Variants in RPS6KC1 observed in about 807,000 individuals in gnomAD.
RPS6KC1 encodes ribosomal protein S6 kinase C1.
RPS6KC1 carries 54 observed loss-of-function variants against 103.8 expected under a neutral mutation model. The observed-to-expected ratio is 0.52, with a 90% CI of 0.42 to 0.65. The LOEUF (loss-of-function observed/expected upper bound fraction) is 0.65, where lower values mean the gene tolerates loss of function less well. Ranked by LOEUF, RPS6KC1 falls within the 30% of genes least tolerant of loss-of-function variation. The pLI, the probability that RPS6KC1 is intolerant of heterozygous loss-of-function variation, is 0.00. For synonymous variants in RPS6KC1, 439 were observed against 438.7 expected, an observed-to-expected ratio of 1.00 and a Z score of -0.01; for missense variants, 1,151 against 1,253.8, an observed-to-expected ratio of 0.92 and a Z score of 1.24.
At chr1:213,152,261 G>A (rs1335984343) in intron 6 of RPS6KC1, among the ~76,000 whole-genome samples, 9 of 145,762 alleles carry the variant, frequency 6.2e-5, no homozygotes, top group African/African-American at 1.3e-4. Flanking sequence ...CGGACGGGGC[G>A]GCTGGCCTGG....
chr1:213,302,576 C>T, the RPS6KC1 span, among the ~76,000 whole-genome samples: 1 of 152,230 alleles, frequency 6.6e-6, no homozygotes. Context: ...AGCATCGCTT[C>T]CTGAGGTTAC....
the RPS6KC1 span, among the ~76,000 whole-genome samples, chr1:213,701,296 A>G: frequency 6.6e-6 from 1 of 151,940 alleles, no homozygotes; most frequent in African/African-American, 2.4e-5. Context: ...TTTTTTCAGC[A>G]TCAGTTGAAA....
At chr1:213,435,223 A>G in the RPS6KC1 span, among the ~76,000 whole-genome samples, 2 of 152,308 alleles carry the variant, frequency 1.3e-5, no homozygotes, top group Admixed American at 1.3e-4. Flanking sequence ...CTAGAAATTT[A>G]TCTTTTAAAA....
the RPS6KC1 span, among the ~76,000 whole-genome samples, chr1:213,673,019 G>C: frequency 6.6e-6 from 1 of 152,160 alleles, no homozygotes. Context: ...TCTGGGAAAA[G>C]AGATAGAGTT....
At chr1:213,053,793 T>C (rs2077125048) in intron 1 of RPS6KC1, among the ~76,000 whole-genome samples, 2 of 152,174 alleles carry the variant, frequency 1.3e-5, no homozygotes, top group Admixed American at 6.5e-5. Context: ...GTATAATTAT[T>C]TGTATTGTTA....
chr1:213,482,871 T>G, the RPS6KC1 span, among the ~76,000 whole-genome samples: 1 of 152,206 alleles, frequency 6.6e-6, no homozygotes, highest in African/African-American at 2.4e-5. Context: ...GAGATAAGTG[T>G]TATGTCTGGT....
At chr1:213,660,569 C>T in the RPS6KC1 span, among the ~76,000 whole-genome samples, 1 of 152,210 alleles carries the variant, frequency 6.6e-6, no homozygotes, top group East Asian at 1.9e-4. Context: ...GTGGAAGATT[C>T]TAGGTAGCTC....
the RPS6KC1 span, among the ~76,000 whole-genome samples, chr1:213,335,476 C>T: frequency 6.6e-6 from 1 of 152,196 alleles, no homozygotes; most frequent in South Asian, 2.1e-4. Flanking sequence ...TCCAAAGTGG[C>T]TGCTATAGCT....
chr1:213,311,163 G>A, the RPS6KC1 span, among the ~76,000 whole-genome samples: 1 of 151,032 alleles, frequency 6.6e-6, no homozygotes, highest in Non-Finnish European at 1.5e-5. Flanking sequence ...TTTTGAGACG[G>A]AGTCTCGCTC....
the RPS6KC1 span, among the ~76,000 whole-genome samples, chr1:213,383,102 G>A: frequency 0.018 from 2,692 of 152,294 alleles, 74 homozygotes; most frequent in African/African-American, 0.06. Context: ...AAGCTGGGTC[G>A]TGTGTCCTGC....
intron 9 of RPS6KC1, among the ~76,000 whole-genome samples, chr1:213,231,053 C>T (rs1010327312): frequency 3.9e-5 from 6 of 151,904 alleles, no homozygotes; most frequent in East Asian, 1.9e-4. Flanking sequence ...CCTTTCATCA[C>T]GGTTGATAGC....
At chr1:213,598,309 G>A in the RPS6KC1 span, among the ~76,000 whole-genome samples, 1 of 152,152 alleles carries the variant, frequency 6.6e-6, no homozygotes, top group Non-Finnish European at 1.5e-5. Context: ...TGTACAAATA[G>A]AATTTCTTTC....
At chr1:213,304,400 GA>G in the RPS6KC1 span, among the ~76,000 whole-genome samples, 1 of 152,024 alleles carries the variant, frequency 6.6e-6, no homozygotes, top group African/African-American at 2.4e-5. Context: ...AACTTTCAAA[GA>G]AGAAACAAAG....
the RPS6KC1 span, among the ~76,000 whole-genome samples, chr1:213,570,774 C>A: frequency 6.6e-6 from 1 of 152,138 alleles, no homozygotes; most frequent in Non-Finnish European, 1.5e-5. Flanking sequence ...CCAGCCCTAC[C>A]CTTGTACCAC....
chr1:213,658,638 T>C, the RPS6KC1 span, among the ~76,000 whole-genome samples: 1 of 152,228 alleles, frequency 6.6e-6, no homozygotes, highest in Non-Finnish European at 1.5e-5. Context: ...AAAATGTTAA[T>C]GTCTTTGGCA....
At chr1:213,566,338 G>A in the RPS6KC1 span, among the ~76,000 whole-genome samples, 338 of 146,772 alleles carry the variant, frequency 2.3e-3, 1 homozygote, top group African/African-American at 7.7e-3. Context: ...TGCTTTTTGT[G>A]TTCTGAACTT....
the RPS6KC1 span, among the ~76,000 whole-genome samples, chr1:213,395,397 G>A: frequency 2.0e-5 from 3 of 152,166 alleles, no homozygotes; most frequent in Non-Finnish European, 4.4e-5. Context: ...ATTTCTTCAG[G>A]AAACCTTCCT....
the RPS6KC1 span, among the ~76,000 whole-genome samples, chr1:213,407,376 C>T: frequency 6.6e-6 from 1 of 152,060 alleles, no homozygotes; most frequent in Non-Finnish European, 1.5e-5. Context: ...TTGCTCATTC[C>T]CTTCTGCATA....
chr1:213,169,803 A>G (rs1442920481), intron 7 of RPS6KC1, among the ~76,000 whole-genome samples: 1 of 132,674 alleles, frequency 7.5e-6, no homozygotes, highest in Admixed American at 8.0e-5. Context: ...TTTTTTTGAG[A>G]TGGAGTCTCG....
Sources: gnomAD v4.1 joint callset for allele counts (sites outside exome capture counted in the v4.1 genomes callset) on GRCh38, gnomAD v4.1.1 for gene constraint, MANE v1.5 for transcripts, NCBI Gene and HGNC (gene_info 2026-07-23, HGNC 2026-07-21) for gene names.